The following DUSP4 variants were observed in gnomAD, a reference collection of about 807,000 sequenced individuals.
The protein encoded by DUSP4 is dual specificity phosphatase 4.
DUSP4 carries 12 observed loss-of-function variants against 27.2 expected under a neutral mutation model. The observed-to-expected ratio is 0.44, with a 90% CI of 0.28 to 0.71. DUSP4 has a LOEUF of 0.71. Among genes scored for constraint, DUSP4 ranks in the 30% least tolerant of loss-of-function variants. The pLI is 0.14. For missense variants in DUSP4, 448 were observed against 551.3 expected, an observed-to-expected ratio of 0.81 and a Z score of 1.88; for synonymous variants, 257 against 245.2, an observed-to-expected ratio of 1.05 and a Z score of -0.45.
At chr8:29,347,737 C>T (rs1185651142) in intron 1 of DUSP4, 17 of 985,276 alleles carry the variant, frequency 1.7e-5, no homozygotes, top group Admixed American at 6.1e-5. Flanking sequence ...CCTTAAAGTA[C>T]TTCTCTTATG....
At chr8:29,347,803 A>G in intron 1 of DUSP4, 1 of 985,590 alleles carries the variant, frequency 1.0e-6, no homozygotes. Flanking sequence ...AGAGGCCTGT[A>G]CTACCCAGTC....
rs1817805965 is a variant in DUSP4, at chr8:29,350,369, A to G, written c.-91T>C. On this transcript the variant is annotated 5_prime_UTR_variant, in exon 1 of 4. Transcript: ENST00000240100. ...CAGAAAGGGGCGGGCGAGAGCTAAG[A>G]AGGGACGCCTGCAGAAGTGGCCGCA... 6 of 1,434,624 alleles carry G rather than the reference A, an allele frequency of 4.2e-6. No individual in the cohort carries two copies. The highest frequency in any genetic ancestry group is 1.9e-4 in the Middle Eastern group (1 of 5,330). 88.9% of individuals were successfully genotyped at this position (1,434,624 alleles called of 1,614,324 possible).
In DUSP4 at chr8:29,335,712, T is replaced by A. The variant is rs951237816; in HGVS notation, c.*1314A>T. On this transcript the variant is annotated 3_prime_UTR_variant, in exon 4 of 4. Coordinates refer to ENST00000240100, the MANE Select transcript of DUSP4 (RefSeq NM_001394.7). ...GATTCATTTCAGGGTTATCTCTAGT[T>A]GTCTGGTTTCCCCAATGGCTGGCCT... 6.6e-5 allele frequency: 10 copies of A among 152,266 alleles called. No individual in the cohort carries two copies. The highest frequency in any genetic ancestry group is 5.9e-4 in the Admixed American group (9 of 15,294). The allele number at this position is 152,266 out of a possible 1,614,324, so 9.4% of individuals were successfully genotyped here.
Position 29,340,204 on chromosome 8 carries a change from C to T in DUSP4, c.473G>A (p.Cys158Tyr). 1 of 1,613,500 alleles carries T rather than the reference C, an allele frequency of 6.2e-7. No individual in the cohort carries two copies. Among genetic ancestry groups the T allele is most frequent in the Non-Finnish European group, 8.5e-7 (1 of 1,179,794 alleles). Reference protein sequence around the residue: ...ERFSSEYPEFCSKTKALAAIP... With the variant: ...ERFSSEYPEFYSKTKALAAIP... Reference sequence around the variant, plus strand: ...GGCTGCCAGGGCCTTGGTTTTAGAACAGAATTCTGGGTACTCGGAGGAAAA... The same window carrying T: ...GGCTGCCAGGGCCTTGGTTTTAGAATAGAATTCTGGGTACTCGGAGGAAAA... Residue 158 changes from cysteine (C) to tyrosine (Y), a missense_variant, in exon 2 of 4, where the codon TGT (cysteine) becomes TAT (tyrosine). By Grantham distance (194) the Cys-to-Tyr change is radical. This residue lies in a region of DUSP4 where 345 missense variants were observed against 394.0 expected (regional missense o/e 0.88). Transcript: ENST00000240100.
rs903086667 is a variant in DUSP4, at chr8:29,350,416, C to G, written c.-138G>C. On this transcript the variant is annotated 5_prime_UTR_variant, in exon 1 of 4. Coordinates refer to ENST00000240100, the MANE Select transcript of DUSP4 (RefSeq NM_001394.7). ...CGCAAACTTGGTCCTCAAGGGCTCC[C>G]GCGGGAGAGCCTCTTCTTCCCTGTC... 2 of 992,762 alleles carry G rather than the reference C, an allele frequency of 2.0e-6. No homozygotes were observed. Among genetic ancestry groups the G allele is most frequent in the Non-Finnish European group, 2.9e-6 (2 of 700,580 alleles). The allele number at this position is 992,762 out of a possible 1,614,324, so 61.5% of individuals were successfully genotyped here.
At chr8:29,345,566 G>C (rs199880698) in intron 1 of DUSP4, 26 of 1,523,158 alleles carry the variant, frequency 1.7e-5, no homozygotes, top group Non-Finnish European at 2.3e-5. Context: ...CTGCCTCCCG[G>C]TAAGGAAATC....
chr8:29,338,186 T>C, intron 3 of DUSP4, 96 bp downstream of exon 3: 2 of 1,265,792 alleles, frequency 1.6e-6, no homozygotes, highest in African/African-American at 2.9e-5. Context: ...TTGGATTCAG[T>C]GCCTCCAATG....
intron 1 of DUSP4, 137 bp from the exon 2 acceptor site, chr8:29,340,380 G>T: frequency 1.8e-6 from 2 of 1,103,286 alleles, no homozygotes; most frequent in Non-Finnish European, 1.3e-6. Flanking sequence ...ACTAGGTGGC[G>T]CTGTGGACCT....
chr8:29,336,751 C>A lies in DUSP4; in HGVS notation c.*275G>T. On this transcript the variant is annotated 3_prime_UTR_variant, in exon 4 of 4. Transcript: ENST00000240100. Reference sequence around the variant, plus strand: ...AAAAAATGAGGTAAGAAATTTCTATCGGAAAAGTGAAACTGACACATAAAC... The same window carrying A: ...AAAAAATGAGGTAAGAAATTTCTATAGGAAAAGTGAAACTGACACATAAAC... The A allele has an allele frequency of 2.6e-6, 1 of 386,948 alleles. No individual in the cohort carries two copies. Among genetic ancestry groups the A allele is most frequent in the Non-Finnish European group, 4.6e-6 (1 of 219,338 alleles). The allele number at this position is 386,948 out of a possible 1,614,324, so 24.0% of individuals were successfully genotyped here. A position where few individuals can be genotyped will look rare whatever the true frequency, so the allele number is the denominator to read the frequency against.
chr8:29,338,627 C>T, intron 2 of DUSP4, 126 bp from the exon 3 acceptor site: 2 of 1,054,814 alleles, frequency 1.9e-6, no homozygotes, highest in South Asian at 1.6e-5. Flanking sequence ...CTGGGCCTGG[C>T]CCTCCCAGCC....
intron 1 of DUSP4, 31 bp downstream of exon 1, chr8:29,349,815 A>C (rs1002225470): frequency 6.8e-7 from 1 of 1,470,290 alleles, no homozygotes; most frequent in Non-Finnish European, 8.9e-7. Flanking sequence ...CATCTCCCCG[A>C]CTCCAGCTAG....
intron 1 of DUSP4, chr8:29,348,288 C>T: frequency 1.0e-6 from 1 of 985,566 alleles, no homozygotes; most frequent in Non-Finnish European, 1.2e-6. Context: ...CTCATCTCTC[C>T]CACCAGCGCC....
In DUSP4 at chr8:29,350,046, T is replaced by G. The variant is rs773189297; in HGVS notation, c.233A>C (p.Lys78Thr). 1 of 1,596,442 alleles carries G rather than the reference T, an allele frequency of 6.3e-7. No homozygotes were observed. The highest frequency in any genetic ancestry group is 8.5e-7 in the Non-Finnish European group (1 of 1,173,274). Reference sequence around the variant, plus strand: ...GATCTGCTCCAGGCTCACGGAGCCCTTAGCCCGCCGCCGCACGATGGTGTT... The same window carrying G: ...GATCTGCTCCAGGCTCACGGAGCCCGTAGCCCGCCGCCGCACGATGGTGTT... ...RCNTIVRRRA[K>T]GSVSLEQILP... The change falls in exon 1 of 4, where the codon AAG becomes ACG. Residue 78 changes from lysine to threonine, a missense_variant. Lys to Thr is a moderately conservative substitution (Grantham distance 78, BLOSUM62 -1). Coordinates refer to ENST00000240100, the MANE Select transcript of DUSP4 (RefSeq NM_001394.7).
rs1329659160 is a variant in DUSP4 at position 29,336,851 on chromosome 8, T to C, written c.*175A>G. On this transcript the variant is annotated 3_prime_UTR_variant, in exon 4 of 4. Coordinates refer to ENST00000240100, the MANE Select transcript of DUSP4 (RefSeq NM_001394.7). ...TGGAGTGTTCTGTTTGCTTTTATTATGTATTCGGAGTCCTTATTGCCATTC... is the reference window on the plus strand; with the variant it reads ...TGGAGTGTTCTGTTTGCTTTTATTACGTATTCGGAGTCCTTATTGCCATTC... 2 of 866,226 alleles carry C rather than the reference T, an allele frequency of 2.3e-6. No homozygotes were observed. The highest frequency in any genetic ancestry group is 1.7e-5 in the African/African-American group (1 of 58,158). 53.7% of individuals were successfully genotyped at this position (866,226 alleles called of 1,614,324 possible). A position where few individuals can be genotyped will look rare whatever the true frequency, so the allele number is the denominator to read the frequency against.
At chr8:29,343,489 C>T (rs1010207220) in intron 1 of DUSP4, among the ~76,000 whole-genome samples, 1 of 152,212 alleles carries the variant, frequency 6.6e-6, no homozygotes, top group African/African-American at 2.4e-5. Flanking sequence ...GGCCATGCCC[C>T]AGTAAGTCAT....
At position 29,334,479 on chromosome 8, in the gene DUSP4, G is replaced by C. The variant is rs1563858002; in HGVS notation, c.*2547C>G. On this transcript the variant is annotated 3_prime_UTR_variant, in exon 4 of 4. Coordinates refer to ENST00000240100, the MANE Select transcript of DUSP4 (RefSeq NM_001394.7). ...AATGAAAATGGCTTTATAAATAGCT[G>C]TTTTGACATTGTGATAGAAGGCTTG... 1 of 152,230 alleles carries C rather than the reference G, an allele frequency of 6.6e-6. No homozygotes were observed. Among genetic ancestry groups the C allele is most frequent in the Non-Finnish European group, 1.5e-5 (1 of 68,040 alleles). 9.4% of individuals were successfully genotyped at this position (152,230 alleles called of 1,614,324 possible).
At position 29,337,131 on chromosome 8, in the gene DUSP4, G is replaced by C. The variant is rs1015259596; in HGVS notation, c.1080C>G (p.Pro360=). ...GAAAGCTGAAGACGAACTGCGAGGT[G>C]GGGGTGGCGGGGGTCTTGCCCCGCT... ...LRERGKTPAT[P]TSQFVFSFPV... Residue 360 remains proline, a synonymous_variant, in exon 4 of 4, where the codon CCC becomes CCG. Transcript: ENST00000240100. This position sits in a 1 kb window ranked among gnomAD's most constrained non-coding sequence, Gnocchi z 6.4. The C allele has an allele frequency of 6.2e-7, 1 of 1,610,766 alleles. No individual in the cohort carries two copies. Among genetic ancestry groups the C allele is most frequent in the Admixed American group, 1.7e-5 (1 of 59,622 alleles).
chr8:29,342,725 G>A (rs1817672258), intron 1 of DUSP4, among the ~76,000 whole-genome samples: 1 of 152,232 alleles, frequency 6.6e-6, no homozygotes, highest in Admixed American at 6.5e-5. Flanking sequence ...CATTTGGTGG[G>A]GAACAGGCTA....
In DUSP4 at chr8:29,338,358, C is replaced by T. The variant is rs1206799911; in HGVS notation, c.723G>A (p.Gln241=). 6.2e-7 allele frequency: 1 copy of T among 1,614,054 alleles called. No individual in the cohort carries two copies. Among genetic ancestry groups the T allele is most frequent in the Non-Finnish European group, 8.5e-7 (1 of 1,180,038 alleles). The change falls in exon 3 of 4, where the codon CAG becomes CAA. Residue 241 remains glutamine, a synonymous_variant. Transcript: ENST00000240100. ...TATCTTCCACTGGGATGCACTTGTA[C>T]TGATAGTGTCCTTCAAAGTGGTTTG... ...DCPNHFEGHY[Q]YKCIPVEDNH... is the part of the protein sequence containing the mutation.
Sources: allele counts gnomAD v4.1 joint callset (sites outside exome capture counted in the v4.1 genomes callset), GRCh38; gene constraint gnomAD v4.1.1; regional missense constraint gnomAD v4.1.1; non-coding constraint Gnocchi (gnomAD v3.1); transcripts MANE v1.5; gene names NCBI Gene and HGNC (gene_info 2026-07-23, HGNC 2026-07-21).